The following WDR70 variants were observed in gnomAD, a reference collection of about 807,000 sequenced individuals.
WDR70 encodes the protein WD repeat domain 70.
In WDR70, 53 loss-of-function variants were observed where a neutral mutation model predicts 88.6. The observed-to-expected ratio is 0.60, with a 90% CI of 0.48 to 0.75. The LOEUF is 0.75. Among genes scored for constraint, WDR70 ranks in the 30% least tolerant of loss-of-function variants. WDR70 has a pLI of 0.00. For synonymous variants in WDR70, 280 were observed against 270.0 expected (o/e 1.04, Z -0.36); for missense variants, 610 against 823.2 (o/e 0.74, Z 3.17).
At chr5:37,406,664 T>G (rs963022948) in intron 5 of WDR70, among the ~76,000 whole-genome samples, 4 of 152,226 alleles carry the variant, frequency 2.6e-5, no homozygotes, top group Admixed American at 2.6e-4. Flanking sequence ...TGTTCAGTGT[T>G]AGCTATTATC....
intron 8 of WDR70, among the ~76,000 whole-genome samples, chr5:37,510,791 C>A (rs1386495571): frequency 2.0e-5 from 3 of 152,104 alleles, no homozygotes; most frequent in Non-Finnish European, 1.5e-5. Flanking sequence ...TGCATTATTT[C>A]GTCTTTATTT....
intron 9 of WDR70, among the ~76,000 whole-genome samples, chr5:37,559,361 C>A (rs185953000): frequency 6.6e-6 from 1 of 152,288 alleles, no homozygotes; most frequent in East Asian, 1.9e-4. Flanking sequence ...CTTCCACTCT[C>A]TCTCTTCTAC....
chr5:37,412,820 A>G (rs528288443), intron 5 of WDR70, among the ~76,000 whole-genome samples: 4 of 152,328 alleles, frequency 2.6e-5, no homozygotes, highest in Non-Finnish European at 5.9e-5. Flanking sequence ...AAGAATTCAA[A>G]GCGGGAGAAA....
rs975095153 is a variant in WDR70 at position 37,604,986 on chromosome 5, T to C, written c.918-78T>C. 1.0e-5 allele frequency: 14 copies of C among 1,341,944 alleles called. No individual in the cohort carries two copies. In the Admixed American group the frequency reaches 1.4e-4, roughly 14 times the overall value. 83.1% of individuals were successfully genotyped at this position (1,341,944 alleles called of 1,614,324 possible). A position where few individuals can be genotyped will look rare whatever the true frequency, so the allele number is the denominator to read the frequency against. On this transcript the variant is annotated intron_variant, in intron 9 of 17. Coordinates refer to ENST00000265107, the MANE Select transcript of WDR70 (RefSeq NM_018034.4). The stretch of plus-strand genomic sequence containing the variant: ...TGCCAAAATGGCGAAGCAGTCTTTA[T>C]GGACTCTTCCCTATTTTAACCTCCC...
intron 10 of WDR70, among the ~76,000 whole-genome samples, chr5:37,615,271 CTAAAA>C: frequency 6.6e-6 from 1 of 151,838 alleles, no homozygotes; most frequent in South Asian, 2.1e-4. Flanking sequence ...GAAAGAGTTA[CTAAAA>C]ATAAAGAGGT....
rs1457643391 is a variant in WDR70, at chr5:37,702,856, A to G, written c.1278-93A>G. The G allele has an allele frequency of 3.8e-6, 5 of 1,329,882 alleles. No individual in the cohort carries two copies. In the East Asian group the frequency reaches 1.2e-4, roughly 31 times the overall value. The allele number at this position is 1,329,882 out of a possible 1,614,324, so 82.4% of individuals were successfully genotyped here. On this transcript the variant is annotated intron_variant, in intron 12 of 17. Coordinates refer to ENST00000265107, the MANE Select transcript of WDR70 (RefSeq NM_018034.4). ...GACTCATAAGCCCTATATAGGAGTT[A>G]CAGAGATGTTTATATTTTATTTAAT...
chr5:37,416,536 G>A (rs1420441133), intron 5 of WDR70, among the ~76,000 whole-genome samples: 1 of 151,552 alleles, frequency 6.6e-6, no homozygotes, highest in East Asian at 1.9e-4. Flanking sequence ...GAGAGGGAGA[G>A]GGAGATCGTG....
chr5:37,511,348 G>A (rs996806574), intron 8 of WDR70, among the ~76,000 whole-genome samples: 6 of 151,918 alleles, frequency 3.9e-5, no homozygotes, highest in African/African-American at 1.5e-4. Flanking sequence ...TATTTATTGT[G>A]ATGCCCTAAC....
chr5:37,422,910 G>A (rs181743491), intron 5 of WDR70, among the ~76,000 whole-genome samples: 252 of 152,214 alleles, frequency 1.7e-3, no homozygotes, highest in African/African-American at 5.8e-3. Context: ...TTATACTTGT[G>A]AGCCACTGCA....
chr5:37,640,798 T>G (rs2112541267), intron 10 of WDR70, among the ~76,000 whole-genome samples: 1 of 152,354 alleles, frequency 6.6e-6, no homozygotes, highest in African/African-American at 2.4e-5. Flanking sequence ...AACTTTTCTT[T>G]CTATCAGTGA....
intron 8 of WDR70, among the ~76,000 whole-genome samples, chr5:37,508,852 G>C (rs977386892): frequency 1.3e-5 from 2 of 152,114 alleles, no homozygotes; most frequent in Non-Finnish European, 2.9e-5. Flanking sequence ...TTGTGAAAAA[G>C]TAATGTTACG....
At chr5:37,496,427 C>A (rs1350718332) in intron 8 of WDR70, among the ~76,000 whole-genome samples, 1 of 152,142 alleles carries the variant, frequency 6.6e-6, no homozygotes, top group African/African-American at 2.4e-5. Context: ...AAGGAAGAAA[C>A]TCCAGACACG....
chr5:37,511,254 C>G (rs1740711628), intron 8 of WDR70, among the ~76,000 whole-genome samples: 1 of 152,032 alleles, frequency 6.6e-6, no homozygotes, highest in Non-Finnish European at 1.5e-5. Flanking sequence ...AAAGGAAGAG[C>G]TTTGTTTGTT....
At chr5:37,438,029 C>T in intron 6 of WDR70, 48 bp downstream of exon 6, 1 of 1,512,164 alleles carries the variant, frequency 6.6e-7, no homozygotes, top group Non-Finnish European at 9.0e-7. Flanking sequence ...ACAGGGCTGT[C>T]ATGGAAAAGT....
chr5:37,516,574 A>C lies in WDR70; in HGVS notation c.901A>C (p.Thr301Pro). Reference protein sequence around the residue: ...WHPKIKGEFMTCSNDATVRTW... With the variant: ...WHPKIKGEFMPCSNDATVRTW... ...TCCCAAAATAAAGGGAGAATTTATG[A>C]CTTGCTCAAATGATGCGTGAGTATT... The change falls in exon 9 of 18, where the codon ACT becomes CCT. Residue 301 changes from threonine (T) to proline (P), a missense_variant. By Grantham distance (38) the Thr-to-Pro change is conservative. Transcript: ENST00000265107. 1 of 1,606,834 alleles carries C rather than the reference A, an allele frequency of 6.2e-7. No homozygotes were observed. Among genetic ancestry groups the C allele is most frequent in the Non-Finnish European group, 8.5e-7 (1 of 1,174,796 alleles).
chr5:37,643,815 G>A (rs1027960851), intron 10 of WDR70, among the ~76,000 whole-genome samples: 1 of 151,968 alleles, frequency 6.6e-6, no homozygotes, highest in Admixed American at 6.6e-5. Context: ...TAATGCTACT[G>A]ACTTTTGTAT....
At chr5:37,488,915 C>A (rs899118526) in intron 8 of WDR70, among the ~76,000 whole-genome samples, 3 of 152,198 alleles carry the variant, frequency 2.0e-5, no homozygotes, top group South Asian at 2.1e-4. Context: ...GTAACAGTTA[C>A]TTCTTCCAGT....
chr5:37,521,374 A>G (rs1012120389), intron 9 of WDR70, among the ~76,000 whole-genome samples: 3 of 152,162 alleles, frequency 2.0e-5, no homozygotes, highest in East Asian at 3.8e-4. Context: ...TTGGGGGACA[A>G]GTGGTATTTG....
intron 10 of WDR70, among the ~76,000 whole-genome samples, chr5:37,677,807 G>A (rs949472467): frequency 2.6e-4 from 39 of 151,796 alleles, no homozygotes; most frequent in Admixed American, 2.6e-4. Context: ...TTTCTGTCTC[G>A]ATCTGTCTAA....
Sources: allele counts gnomAD v4.1 joint callset (sites outside exome capture counted in the v4.1 genomes callset), GRCh38; gene constraint gnomAD v4.1.1; transcripts MANE v1.5; gene names NCBI Gene and HGNC (gene_info 2026-07-23, HGNC 2026-07-21).